Variants in ITGA4 observed in about 807,000 individuals in gnomAD.
ITGA4 encodes integrin subunit alpha 4, also known as integrin alpha-4.
A neutral mutation model predicts 133.6 loss-of-function variants in ITGA4; 63 were observed. The ratio of observed to expected loss-of-function variants is 0.47; its 90% CI spans 0.38 to 0.58. ITGA4 has a LOEUF of 0.58. Ranked by LOEUF, ITGA4 falls within the 20% of genes least tolerant of loss-of-function variation. The pLI, the probability that ITGA4 is intolerant of heterozygous loss-of-function variation, is 0.00. For missense variants in ITGA4, 1,076 were observed against 1,252.7 expected (o/e 0.86, Z 2.13); for synonymous variants, 483 against 438.0 (o/e 1.10, Z -1.28).
In ITGA4 at chr2:181,498,791, T is replaced by A. The variant is rs199837621; in HGVS notation, c.1695+14T>A. On this transcript the variant is annotated intron_variant, in intron 15 of 27. Transcript: ENST00000397033. ...GCATTTATGCGGGTAATGTAAGCTATTTTTTATTAATGAATATGTGAACTT... is the reference window on the plus strand; with the variant it reads ...GCATTTATGCGGGTAATGTAAGCTAATTTTTATTAATGAATATGTGAACTT... The A allele has an allele frequency of 1.3e-6, 2 of 1,578,780 alleles. No individual in the cohort carries two copies. The highest frequency in any genetic ancestry group is 2.3e-5 in the East Asian group (1 of 43,890).
chr2:181,467,124 T>G (rs1424255717), intron 2 of ITGA4, among the ~76,000 whole-genome samples: 1 of 152,118 alleles, frequency 6.6e-6, no homozygotes, highest in Non-Finnish European at 1.5e-5. Flanking sequence ...AAATATGGAA[T>G]TGGAACAAGG....
At chr2:181,531,484 T>G (rs1049481707) in intron 24 of ITGA4, among the ~76,000 whole-genome samples, 173 bp from the exon 25 acceptor site, 5 of 152,224 alleles carry the variant, frequency 3.3e-5, no homozygotes, top group African/African-American at 1.2e-4. Flanking sequence ...CATTCATGTC[T>G]TGTTTAAAGG....
intron 23 of ITGA4, 133 bp downstream of exon 23, chr2:181,529,781 A>G (rs1686903777): frequency 1.8e-6 from 1 of 567,140 alleles, no homozygotes; most frequent in Non-Finnish European, 3.1e-6. Context: ...ACTCTAAGCT[A>G]TGAATTCACC....
chr2:181,482,119 C>G (rs1280885024), intron 7 of ITGA4, among the ~76,000 whole-genome samples: 1 of 152,186 alleles, frequency 6.6e-6, no homozygotes, highest in Non-Finnish European at 1.5e-5. Context: ...GCAAACAACA[C>G]TTCCGGTGCC....
intron 24 of ITGA4, among the ~76,000 whole-genome samples, chr2:181,530,935 T>C (rs1470973975): frequency 3.3e-5 from 5 of 152,038 alleles, no homozygotes; most frequent in Admixed American, 1.3e-4. Flanking sequence ...GAGACCAGCC[T>C]GGCCAACAGA....
chr2:181,520,089 A>G (rs940202429), intron 17 of ITGA4, among the ~76,000 whole-genome samples: 4 of 152,056 alleles, frequency 2.6e-5, no homozygotes, highest in Admixed American at 1.3e-4. Context: ...AAAATACTGC[A>G]TTTTTATAGA....
At chr2:181,529,870 T>C (rs895492937) in intron 23 of ITGA4, among the ~76,000 whole-genome samples, 1 of 152,212 alleles carries the variant, frequency 6.6e-6, no homozygotes, top group Non-Finnish European at 1.5e-5. Flanking sequence ...TTACATTTGA[T>C]TTAAATAACA....
At chr2:181,479,922 T>G (rs117213915) in intron 5 of ITGA4, among the ~76,000 whole-genome samples, 1 of 152,092 alleles carries the variant, frequency 6.6e-6, no homozygotes, top group East Asian at 1.9e-4. Context: ...TGAATGAGAG[T>G]TTCAGAGTTT....
rs553835634 is a variant in ITGA4 at position 181,536,564 on chromosome 2, C to T, written c.*1037C>T. 4.7e-5 allele frequency: 8 copies of T among 170,694 alleles called. No homozygotes were observed. The highest frequency in any genetic ancestry group is 4.1e-4 in the South Asian group (3 of 7,268). 10.6% of individuals were successfully genotyped at this position (170,694 alleles called of 1,614,324 possible). A position where few individuals can be genotyped will look rare whatever the true frequency, so the allele number is the denominator to read the frequency against. On this transcript the variant is annotated 3_prime_UTR_variant, in exon 28 of 28. Coordinates refer to ENST00000397033, the MANE Select transcript of ITGA4 (RefSeq NM_000885.6). ...TACCCTTTACAAGTATAAGTGTTAC[C>T]TTACATGGAAACGAAGAAACAAAAT...
chr2:181,502,069 C>A (rs998010518), intron 15 of ITGA4, among the ~76,000 whole-genome samples: 1 of 130,768 alleles, frequency 7.6e-6, no homozygotes, highest in Middle Eastern at 4.1e-3. Flanking sequence ...GGAAGAAAAT[C>A]AACAGTGTGG....
chr2:181,462,621 A>C (rs376403283), intron 2 of ITGA4, among the ~76,000 whole-genome samples: 29 of 152,184 alleles, frequency 1.9e-4, no homozygotes, highest in African/African-American at 6.0e-4. Context: ...GCTGTTATAC[A>C]ATTATGTAGA....
chr2:181,535,225 TTC>T (rs2105775811), intron 27 of ITGA4, among the ~76,000 whole-genome samples: 1 of 152,262 alleles, frequency 6.6e-6, no homozygotes, highest in African/African-American at 2.4e-5. Context: ...CACTGAGAAT[TTC>T]TGCATTAAAA....
chr2:181,512,227 T>A (rs1407380615), intron 17 of ITGA4, among the ~76,000 whole-genome samples: 1 of 151,984 alleles, frequency 6.6e-6, no homozygotes, highest in Non-Finnish European at 1.5e-5. Flanking sequence ...AGAGAGAGAA[T>A]GAACACTTCA....
At chr2:181,489,580 A>G (rs925437308) in intron 10 of ITGA4, among the ~76,000 whole-genome samples, 1 of 152,202 alleles carries the variant, frequency 6.6e-6, no homozygotes, top group Non-Finnish European at 1.5e-5. Flanking sequence ...AAGTTCTACA[A>G]TTGTAAATTA....
At chr2:181,492,562 T>C (rs1686074309) in intron 10 of ITGA4, among the ~76,000 whole-genome samples, 1 of 152,208 alleles carries the variant, frequency 6.6e-6, no homozygotes, top group African/African-American at 2.4e-5. Context: ...TAGAATATTA[T>C]TTTTCTCCTT....
In ITGA4 at chr2:181,537,025, G is replaced by T. The variant is rs1047307; in HGVS notation, c.*1498G>T. ...GCAGTGATGGTGAGGAATGTTCTGA[G>T]ATTTGCGAAGGCATTTGAGTAGTGA... On this transcript the variant is annotated 3_prime_UTR_variant, in exon 28 of 28. Coordinates refer to ENST00000397033, the MANE Select transcript of ITGA4 (RefSeq NM_000885.6). 2.2e-6 allele frequency: 1 copy of T among 444,614 alleles called. No homozygotes were observed. The highest frequency in any genetic ancestry group is 2.4e-5 in the Admixed American group (1 of 41,490). The allele number at this position is 444,614 out of a possible 1,614,324, so 27.5% of individuals were successfully genotyped here.
chr2:181,475,500 A>G lies in ITGA4; in HGVS notation c.556+212A>G, dbSNP rs155086. On this transcript the variant is annotated intron_variant, in intron 4 of 27. Coordinates refer to ENST00000397033, the MANE Select transcript of ITGA4 (RefSeq NM_000885.6). ...TGTGCTATAAAAATTCTACAATTTG[A>G]ATAACTCTGAAATCTAGCTCTTTAA... Among the ~76,000 whole-genome samples, 690 of 152,352 alleles carry G rather than the reference A, an allele frequency of 4.5e-3. 3 individuals are homozygous for G. The highest frequency in any genetic ancestry group is 0.016 in the African/African-American group (659 of 41,596).
chr2:181,531,850 G>A, intron 25 of ITGA4, 74 bp downstream of exon 25: 7 of 1,101,112 alleles, frequency 6.4e-6, no homozygotes, highest in South Asian at 1.9e-5. Context: ...CATATAGGCA[G>A]GATAGTATGA....
chr2:181,485,763 G>A (rs1685900497), intron 9 of ITGA4, 118 bp from the exon 10 acceptor site: 1 of 764,832 alleles, frequency 1.3e-6, no homozygotes, highest in East Asian at 2.8e-5. Context: ...AGCTCAGTCT[G>A]TAGTTTGTCC....
Sources: gnomAD v4.1 joint callset for allele counts (sites outside exome capture counted in the v4.1 genomes callset) on GRCh38, gnomAD v4.1.1 for gene constraint, MANE v1.5 for transcripts, NCBI Gene and HGNC (gene_info 2026-07-23, HGNC 2026-07-21) for gene names.